The following ZDHHC11B variants were observed in gnomAD, a reference collection of about 807,000 sequenced individuals.
The protein encoded by ZDHHC11B is zDHHC palmitoyltransferase 11B (putative), also known as probable palmitoyltransferase ZDHHC11B.
A neutral mutation model predicts 42.3 loss-of-function variants in ZDHHC11B; 17 were observed. The ratio of observed to expected loss-of-function variants is 0.40; its 90% CI spans 0.27 to 0.60. The LOEUF (loss-of-function observed/expected upper bound fraction) is 0.60, where lower values mean the gene tolerates loss of function less well. Ranked by LOEUF, ZDHHC11B falls within the 20% of genes least tolerant of loss-of-function variation. ZDHHC11B has a pLI of 0.41. For synonymous variants in ZDHHC11B, 123 were observed against 193.5 expected, an observed-to-expected ratio of 0.64 and a Z score of 3.02; for missense variants, 262 against 463.2, an observed-to-expected ratio of 0.57 and a Z score of 3.99.
chr5:721,589 C>T (rs1251813343), intron 12 of ZDHHC11B, among the ~76,000 whole-genome samples: 16 of 151,384 alleles, frequency 1.1e-4, no homozygotes, highest in Non-Finnish European at 2.1e-4. Context: ...AGGTTAAGCA[C>T]AAGGGTGGTA....
chr5:776,201 G>A (rs367912513), intron 1 of ZDHHC11B, among the ~76,000 whole-genome samples: 24 of 151,736 alleles, frequency 1.6e-4, no homozygotes, highest in Admixed American at 9.2e-4. Context: ...CCTAGGGCCA[G>A]ACCCCACTGC....
intron 6 of ZDHHC11B, among the ~76,000 whole-genome samples, chr5:751,699 G>A (rs141439952): frequency 0.01 from 1,343 of 128,280 alleles, 42 homozygotes; most frequent in South Asian, 0.036. Flanking sequence ...CCCTGCTCCC[G>A]ACCATGCCTG....
intron 3 of ZDHHC11B, among the ~76,000 whole-genome samples, 189 bp from the exon 4 acceptor site, chr5:767,108 G>T (rs1326652939): frequency 6.6e-6 from 1 of 151,936 alleles, no homozygotes; most frequent in African/African-American, 2.4e-5. Flanking sequence ...TCGGTGCAGG[G>T]CCCTGTCCAG....
intron 4 of ZDHHC11B, among the ~76,000 whole-genome samples, chr5:763,628 G>C (rs750671371): frequency 1.3e-5 from 2 of 151,734 alleles, no homozygotes; most frequent in Admixed American, 6.6e-5. Context: ...GGGGCTTCAG[G>C]GACACAGCAG....
rs1176892384 is a variant in ZDHHC11B, at chr5:761,084, C to T, written c.223-4940G>A. On this transcript the variant is annotated intron_variant, in intron 4 of 13. Coordinates refer to ENST00000508859, the MANE Select transcript of ZDHHC11B (RefSeq NM_001351303.2). The stretch of plus-strand genomic sequence containing the variant: ...CTCCGTCGCAACATGCCCAGAACCT[C>T]GGCCGGATTCTGGATTAAAAAATCC... Among the ~76,000 whole-genome samples the T allele has an allele frequency of 2.8e-4, 43 of 151,932 alleles. 1 individual carries two copies. The highest frequency in any genetic ancestry group is 6.3e-4 in the African/African-American group (26 of 41,448).
At chr5:743,181 A>G (rs1744359830) in intron 9 of ZDHHC11B, among the ~76,000 whole-genome samples, 1 of 149,032 alleles carries the variant, frequency 6.7e-6, no homozygotes, top group African/African-American at 2.5e-5. Flanking sequence ...CATAAATGAA[A>G]GCTTTAACTT....
intron 12 of ZDHHC11B, among the ~76,000 whole-genome samples, chr5:725,195 G>A (rs1432527046): frequency 4.0e-5 from 6 of 150,870 alleles, no homozygotes; most frequent in East Asian, 3.9e-4. Flanking sequence ...AGGACAAGCA[G>A]AGGAGGCCAT....
chr5:769,419 G>A lies in ZDHHC11B; in HGVS notation c.-229-489C>T, dbSNP rs1326368875. On this transcript the variant is annotated intron_variant, in intron 1 of 13. Transcript: ENST00000508859. ...TCTCATAAGCTAAATATGGATCAAC[G>A]GTCCATCCTCTTTAGGAAAATAAGC... Among the ~76,000 whole-genome samples the A allele has an allele frequency of 2.7e-5, 4 of 146,664 alleles. 1 individual carries two copies. The highest frequency in any genetic ancestry group is 5.0e-5 in the African/African-American group (2 of 40,274).
chr5:729,925 C>A (rs28584244), intron 12 of ZDHHC11B, among the ~76,000 whole-genome samples: 39 of 146,482 alleles, frequency 2.7e-4, no homozygotes, highest in African/African-American at 1.0e-3. Flanking sequence ...TATTTCATCA[C>A]GGGAACAGGG....
chr5:729,213 C>A (rs1351537320), intron 12 of ZDHHC11B, among the ~76,000 whole-genome samples: 1 of 151,048 alleles, frequency 6.6e-6, no homozygotes, highest in Admixed American at 6.6e-5. Context: ...GCACGAGCAG[C>A]CTCCCTCACA....
chr5:718,203 T>C (rs1741902256), intron 12 of ZDHHC11B, among the ~76,000 whole-genome samples: 1 of 151,848 alleles, frequency 6.6e-6, no homozygotes, highest in Non-Finnish European at 1.5e-5. Flanking sequence ...TAAAAGTGTG[T>C]GTAAGTATGT....
intron 1 of ZDHHC11B, among the ~76,000 whole-genome samples, chr5:777,060 C>T (rs929784557): frequency 1.3e-5 from 2 of 151,904 alleles, no homozygotes; most frequent in Non-Finnish European, 2.9e-5. Context: ...ATTGGTCTCG[C>T]TGACGTCAGG....
At chr5:717,495 G>T (rs2126954600) in intron 12 of ZDHHC11B, among the ~76,000 whole-genome samples, 1 of 151,718 alleles carries the variant, frequency 6.6e-6, no homozygotes, top group East Asian at 1.9e-4. Flanking sequence ...GCAAAATTTT[G>T]CTTTGAAAGA....
chr5:746,078 C>A (rs1215293049), intron 8 of ZDHHC11B, among the ~76,000 whole-genome samples: 6 of 149,492 alleles, frequency 4.0e-5, no homozygotes, highest in Non-Finnish European at 7.4e-5. Flanking sequence ...ACCTGATACA[C>A]CCGTTTATCT....
intron 1 of ZDHHC11B, among the ~76,000 whole-genome samples, chr5:778,832 C>G (rs1466387092): frequency 7.9e-5 from 12 of 151,910 alleles, no homozygotes; most frequent in African/African-American, 2.9e-4. Flanking sequence ...AATTCGTCCC[C>G]TCCAAAATCC....
chr5:737,278 C>G (rs189998430), intron 10 of ZDHHC11B, among the ~76,000 whole-genome samples: 1 of 147,654 alleles, frequency 6.8e-6, no homozygotes, highest in Non-Finnish European at 1.5e-5. Context: ...AATAGAAACT[C>G]GTAACAGATT....
intron 10 of ZDHHC11B, among the ~76,000 whole-genome samples, chr5:741,349 T>C (rs1213069653): frequency 1.3e-5 from 2 of 149,360 alleles, no homozygotes; most frequent in Non-Finnish European, 1.5e-5. Context: ...TGTGTTAGTT[T>C]AGATGTTAGT....
intron 10 of ZDHHC11B, among the ~76,000 whole-genome samples, chr5:738,606 C>CTCGGTGGTCGCCGTATCATTAAAAA (rs1743784352): frequency 1.8e-5 from 2 of 111,866 alleles, no homozygotes; most frequent in African/African-American, 3.0e-5. Context: ...GTGTGTAGAT[C>CTCGGTGGTCGCCGTATCATTAAAAA]AATGGAACAG....
At position 750,658 on chromosome 5, in the gene ZDHHC11B, C is replaced by T. The variant is rs1440410976; in HGVS notation, c.628+475G>A. On this transcript the variant is annotated intron_variant, in intron 7 of 13. Transcript: ENST00000508859. ...GTGGCTCAGTGTGAGCATTGGTTCC[C>T]GAGGCCCAGGCTCCGGGCCCACTTG... Among the ~76,000 whole-genome samples the T allele has an allele frequency of 1.5e-3, 190 of 123,910 alleles. 1 individual carries two copies. The highest frequency in any genetic ancestry group is 4.5e-3 in the African/African-American group (165 of 36,852). The allele number at this position is 123,910 out of a possible 152,430, so 81.3% of individuals were successfully genotyped here. A position where few individuals can be genotyped will look rare whatever the true frequency, so the allele number is the denominator to read the frequency against.
Sources: gnomAD v4.1 joint callset for allele counts (sites outside exome capture counted in the v4.1 genomes callset) on GRCh38, gnomAD v4.1.1 for gene constraint, MANE v1.5 for transcripts, NCBI Gene and HGNC (gene_info 2026-07-23, HGNC 2026-07-21) for gene names.